Variants in DBT observed in about 807,000 individuals in gnomAD.
DBT encodes the protein lipoamide acyltransferase component of branched-chain alpha-keto acid dehydrogenase complex, mitochondrial.
DBT carries 40 observed loss-of-function variants against 51.3 expected under a neutral mutation model. That is an observed-to-expected ratio of 0.78 (90% confidence interval 0.61 to 1.02). DBT has a LOEUF of 1.02. DBT is among the 50% of genes least tolerant of loss of function. DBT has a pLI of 0.00. For synonymous variants in DBT, 181 were observed against 190.4 expected, an observed-to-expected ratio of 0.95 and a Z score of 0.41; for missense variants, 510 against 580.2, an observed-to-expected ratio of 0.88 and a Z score of 1.24.
At position 100,206,625 on chromosome 1, in the gene DBT, G is replaced by A. The variant is rs1661808337; in HGVS notation, c.1029C>T (p.Asn343=). 1 of 1,602,920 alleles carries A rather than the reference G, an allele frequency of 6.2e-7. No individual in the cohort carries two copies. Among genetic ancestry groups the A allele is most frequent in the African/African-American group, 1.3e-5 (1 of 74,654 alleles). The change falls in exon 9 of 11, where the codon AAC becomes AAT. Residue 343 remains asparagine (N), a synonymous_variant. Coordinates refer to ENST00000370132, the MANE Select transcript of DBT (RefSeq NM_001918.5). The part of the protein sequence containing the change: ...CQNITYKASH[N]IGIAMDTEQG... ...GCTCAGTATCCATTGCTATCCCAAT[G>A]TTATGAGAAGCCTAAAAAATAAAAA...
At chr1:100,200,009 T>C (rs1359908540) in intron 10 of DBT, among the ~76,000 whole-genome samples, 1 of 152,090 alleles carries the variant, frequency 6.6e-6, no homozygotes, top group Non-Finnish European at 1.5e-5. Context: ...GTTTTGTTTT[T>C]TTTTTCATAC....
chr1:100,211,715 A>C (rs1570812317), intron 7 of DBT, among the ~76,000 whole-genome samples: 1 of 152,168 alleles, frequency 6.6e-6, no homozygotes, highest in East Asian at 1.9e-4. Flanking sequence ...AGATCAACTG[A>C]AGAAAAATAT....
At position 100,194,163 on chromosome 1, in the gene DBT, T is replaced by TA. The variant is rs1243149235; in HGVS notation, c.*2091_*2092insT. The TA allele has an allele frequency of 1.3e-5, 2 of 152,102 alleles. No individual in the cohort carries two copies. The highest frequency in any genetic ancestry group is 2.9e-5 in the Non-Finnish European group (2 of 68,018). The allele number at this position is 152,102 out of a possible 1,614,324, so 9.4% of individuals were successfully genotyped here. On this transcript the variant is annotated 3_prime_UTR_variant, in exon 11 of 11. Coordinates refer to ENST00000370132, the MANE Select transcript of DBT (RefSeq NM_001918.5). ...ACAACAGCATTTATTTGACCTGTTT[T>TA]TTTTATTTTATTTTATTTTTTAGAG...
intron 10 of DBT, among the ~76,000 whole-genome samples, chr1:100,204,393 C>A (rs560935864): frequency 6.6e-6 from 1 of 152,164 alleles, no homozygotes; most frequent in African/African-American, 2.4e-5. Context: ...ATCCAACTTA[C>A]AAGGGATGTG....
At chr1:100,211,662 T>C (rs1662153055) in intron 7 of DBT, among the ~76,000 whole-genome samples, 2 of 152,278 alleles carry the variant, frequency 1.3e-5, no homozygotes, top group African/African-American at 2.4e-5. Context: ...TTTAAATATA[T>C]AGAGACATTT....
At position 100,214,991 on chromosome 1, in the gene DBT, G is replaced by T; in HGVS notation, c.773-8C>A. The stretch of plus-strand genomic sequence containing the variant: ...CCATTGCTTTTTGAAAGCCTGAAAA[G>T]CATTAAATTGTTATTCATTTATTTA... On this transcript the variant is annotated splice_region_variant and splice_polypyrimidine_tract_variant and intron_variant, in intron 6 of 10. Transcript: ENST00000370132. 6.3e-7 allele frequency: 1 copy of T among 1,581,542 alleles called. No individual in the cohort carries two copies. The highest frequency in any genetic ancestry group is 8.7e-7 in the Non-Finnish European group (1 of 1,152,168).
intron 10 of DBT, among the ~76,000 whole-genome samples, chr1:100,204,095 T>G (rs1038848822): frequency 6.6e-6 from 1 of 152,176 alleles, no homozygotes; most frequent in African/African-American, 2.4e-5. Flanking sequence ...TATTGGAAGT[T>G]CTGGCCAGGG....
intron 7 of DBT, 139 bp downstream of exon 7, chr1:100,214,678 C>T (rs150020283): frequency 2.5e-4 from 202 of 816,414 alleles, no homozygotes; most frequent in African/African-American, 1.4e-3. Context: ...TGTTTAAACC[C>T]GGAAGGTGGA....
intron 8 of DBT, among the ~76,000 whole-genome samples, chr1:100,207,730 T>A (rs1419847840): frequency 6.6e-6 from 1 of 152,024 alleles, no homozygotes; most frequent in Non-Finnish European, 1.5e-5. Context: ...TCTCAGCTAC[T>A]TGGGAGGCTG....
chr1:100,206,783 A>G (rs1475212378), intron 8 of DBT, 147 bp from the exon 9 acceptor site: 4 of 646,012 alleles, frequency 6.2e-6, no homozygotes, highest in Non-Finnish European at 8.1e-6. Flanking sequence ...TTTAAAAATA[A>G]TTTTTAAAAG....
rs116287685 is a variant in DBT at position 100,220,305 on chromosome 1, C to T, written c.434-1558G>A. 4.7e-3 allele frequency among the ~76,000 whole-genome samples: 715 copies of T among 152,070 alleles called. 10 individuals are homozygous for T. The highest frequency in any genetic ancestry group is 0.016 in the African/African-American group (675 of 41,474). On this transcript the variant is annotated intron_variant, in intron 4 of 10. Coordinates refer to ENST00000370132, the MANE Select transcript of DBT (RefSeq NM_001918.5). ...AATGTTTTTGAGAGCACTTAATTGT[C>T]AAATTCTGCTGTTAGGAAATCAGTG...
intron 3 of DBT, among the ~76,000 whole-genome samples, chr1:100,233,323 T>G (rs144064916): frequency 1.3e-3 from 204 of 151,982 alleles, no homozygotes; most frequent in African/African-American, 4.6e-3. Context: ...TTTGTGAAAT[T>G]TAAGTATTTT....
At chr1:100,211,242 G>A in intron 7 of DBT, 1 of 666,766 alleles carries the variant, frequency 1.5e-6, no homozygotes, top group East Asian at 2.6e-5. Context: ...GGTGTCCTTG[G>A]CCAGCTGAAG....
intron 5 of DBT, 142 bp downstream of exon 5, chr1:100,218,484 A>G (rs1302328327): frequency 1.1e-6 from 1 of 887,320 alleles, no homozygotes; most frequent in African/African-American, 1.7e-5. Context: ...TTTTTATGCA[A>G]CTATTGCTTT....
intron 3 of DBT, among the ~76,000 whole-genome samples, chr1:100,234,354 A>C (rs904052412): frequency 3.3e-5 from 5 of 152,124 alleles, no homozygotes; most frequent in African/African-American, 1.2e-4. Flanking sequence ...AATCAAAAAA[A>C]GCTGGGTGCA....
chr1:100,214,754 C>T (rs1463482344), intron 7 of DBT, 63 bp downstream of exon 7: 20 of 1,563,424 alleles, frequency 1.3e-5, no homozygotes, highest in Non-Finnish European at 1.2e-5. Context: ...AACTCTGTCT[C>T]AAAAAGACAA....
At chr1:100,245,105 T>G (rs190249199) in intron 1 of DBT, among the ~76,000 whole-genome samples, 11 of 152,132 alleles carry the variant, frequency 7.2e-5, no homozygotes, top group Admixed American at 6.5e-4. Context: ...AATTCTAAAT[T>G]TTTTTTCTAG....
intron 1 of DBT, among the ~76,000 whole-genome samples, chr1:100,248,493 T>C (rs1261916573): frequency 6.6e-6 from 1 of 152,182 alleles, no homozygotes; most frequent in African/African-American, 2.4e-5. Context: ...TGGGGAACTT[T>C]AGGACTCATC....
rs1461108637 is a variant in DBT at position 100,195,525 on chromosome 1, A to C, written c.*730T>G. On this transcript the variant is annotated 3_prime_UTR_variant, in exon 11 of 11. Coordinates refer to ENST00000370132, the MANE Select transcript of DBT (RefSeq NM_001918.5). ...GCACTTATTTCATACAACAATTAGC[A>C]TAATAACGGAAATGGAAAATATTTT... 6.6e-6 allele frequency: 1 copy of C among 152,310 alleles called. No homozygotes were observed. Among genetic ancestry groups the C allele is most frequent in the African/African-American group, 2.4e-5 (1 of 41,464 alleles). 9.4% of individuals were successfully genotyped at this position (152,310 alleles called of 1,614,324 possible). A position where few individuals can be genotyped will look rare whatever the true frequency, so the allele number is the denominator to read the frequency against.
Sources: allele counts gnomAD v4.1 joint callset (sites outside exome capture counted in the v4.1 genomes callset), GRCh38; gene constraint gnomAD v4.1.1; transcripts MANE v1.5; gene names NCBI Gene and HGNC (gene_info 2026-07-23, HGNC 2026-07-21).